PLXNA4: variants seen among roughly 807,000 people sequenced by gnomAD.
PLXNA4 encodes plexin-A4.
A neutral mutation model predicts 191.8 loss-of-function variants in PLXNA4; 44 were observed. The ratio of observed to expected loss-of-function variants is 0.23; its 90% CI spans 0.18 to 0.29. PLXNA4 has a LOEUF of 0.29. Among genes scored for constraint, PLXNA4 ranks in the 10% least tolerant of loss-of-function variants. The probability of loss-of-function intolerance (pLI) is 1.00; values close to 1 mark genes in which losing one functional copy is unlikely to be tolerated. For missense variants in PLXNA4, 1,800 were observed against 2,488.8 expected (o/e 0.72, Z 5.89); for synonymous variants, 1,082 against 1,009.5 (o/e 1.07, Z -1.36).
chr7:132,363,109 C>T (rs1804013685), intron 3 of PLXNA4, among the ~76,000 whole-genome samples: 1 of 152,168 alleles, frequency 6.6e-6, no homozygotes, highest in African/African-American at 2.4e-5. Flanking sequence ...CTCAGCCTCC[C>T]AAGTAGCTGG....
chr7:132,160,954 C>T (rs1358422576), intron 24 of PLXNA4, among the ~76,000 whole-genome samples: 1 of 152,178 alleles, frequency 6.6e-6, no homozygotes, highest in Non-Finnish European at 1.5e-5. Flanking sequence ...ATCTATAAAA[C>T]CAAACTTTCA....
At chr7:132,563,815 C>T (rs1435037253) in intron 1 of PLXNA4, among the ~76,000 whole-genome samples, 3 of 75,946 alleles carry the variant, frequency 4.0e-5, no homozygotes, top group African/African-American at 9.0e-5. Context: ...TCTCCTCCTC[C>T]TTCTCCTCCT....
intron 1 of PLXNA4, among the ~76,000 whole-genome samples, chr7:132,536,795 G>T (rs116971657): frequency 2.6e-5 from 4 of 152,208 alleles, no homozygotes; most frequent in African/African-American, 9.7e-5. Flanking sequence ...TGCCCTAAAC[G>T]TATGGCTGAC....
chr7:132,295,612 C>T (rs189104674), intron 4 of PLXNA4, among the ~76,000 whole-genome samples: 6 of 152,214 alleles, frequency 3.9e-5, no homozygotes, highest in South Asian at 2.1e-4. Flanking sequence ...TCCGCATGCC[C>T]AACCTGTCAA....
At chr7:132,167,307 G>A (rs185633765) in intron 22 of PLXNA4, among the ~76,000 whole-genome samples, 1 of 152,290 alleles carries the variant, frequency 6.6e-6, no homozygotes, top group East Asian at 1.9e-4. Context: ...ACAGTATCAA[G>A]TTTGAGGCCT....
At position 132,523,533 on chromosome 7, in the gene PLXNA4, G is replaced by C. The variant is rs548340001; in HGVS notation, c.-86-14754C>G. Among the ~76,000 whole-genome samples, 5 of 152,354 alleles carry C rather than the reference G, an allele frequency of 3.3e-5. No individual in the cohort carries two copies. The East Asian group carries it at 9.6e-4, about 29-fold the overall frequency. On this transcript the variant is annotated intron_variant, in intron 1 of 31. Coordinates refer to ENST00000321063, the MANE Select transcript of PLXNA4 (RefSeq NM_020911.2). ...CGGAAGGATGGGTGATGGGGTGGGA[G>C]AGAAGAGAGACAGCAGATGCCGGAG...
At chr7:132,350,031 T>TC (rs1411604937) in intron 3 of PLXNA4, among the ~76,000 whole-genome samples, 2 of 152,146 alleles carry the variant, frequency 1.3e-5, no homozygotes. Flanking sequence ...TGTAAGCTGT[T>TC]CCCCACATTC....
intron 25 of PLXNA4, among the ~76,000 whole-genome samples, chr7:132,154,312 C>T (rs75635983): frequency 0.026 from 3,882 of 152,038 alleles, 78 homozygotes; most frequent in Non-Finnish European, 0.036. Flanking sequence ...GAGCAGGCAC[C>T]GGAGAAGAGC....
intron 4 of PLXNA4, among the ~76,000 whole-genome samples, chr7:132,287,690 A>G (rs959896346): frequency 7.9e-5 from 12 of 152,150 alleles, no homozygotes; most frequent in African/African-American, 2.9e-4. Flanking sequence ...TACACCAGTG[A>G]CCATGTAGAA....
At chr7:132,486,762 G>A (rs933460920) in intron 3 of PLXNA4, among the ~76,000 whole-genome samples, 6 of 152,204 alleles carry the variant, frequency 3.9e-5, no homozygotes, top group Admixed American at 1.3e-4. Context: ...TGGGAATGCC[G>A]GCCGCGGTTT....
At chr7:132,565,824 TG>T (rs1801697633) in intron 1 of PLXNA4, among the ~76,000 whole-genome samples, 1 of 152,198 alleles carries the variant, frequency 6.6e-6, no homozygotes, top group Admixed American at 6.5e-5. Context: ...TTTCCCAGCA[TG>T]GCTGGGAATC....
At chr7:132,642,906 G>C (rs1200051714) in intron 2 of PLXNA4, among the ~76,000 whole-genome samples, 1 of 152,186 alleles carries the variant, frequency 6.6e-6, no homozygotes, top group Non-Finnish European at 1.5e-5. Context: ...AAAACAGTGA[G>C]TATGATACGA....
intron 3 of PLXNA4, among the ~76,000 whole-genome samples, chr7:132,437,510 G>A (rs1406571343): frequency 2.7e-5 from 4 of 150,362 alleles, no homozygotes; most frequent in African/African-American, 9.8e-5. Flanking sequence ...GGTTGTGCAT[G>A]TGACTATGTG....
chr7:132,267,122 C>A (rs904537799), intron 4 of PLXNA4, among the ~76,000 whole-genome samples: 3 of 152,156 alleles, frequency 2.0e-5, no homozygotes, highest in Non-Finnish European at 4.4e-5. Context: ...CATCCAGGAG[C>A]AAATTCCACA....
chr7:132,379,653 G>C (rs370073687), intron 3 of PLXNA4, among the ~76,000 whole-genome samples: 2 of 152,306 alleles, frequency 1.3e-5, no homozygotes, highest in South Asian at 4.1e-4. Context: ...ATAGTGGCAA[G>C]AGCATCATCA....
At chr7:132,301,317 C>T (rs941587296) in intron 3 of PLXNA4, among the ~76,000 whole-genome samples, 4 of 152,092 alleles carry the variant, frequency 2.6e-5, no homozygotes, top group Non-Finnish European at 4.4e-5. Context: ...GACCAGCTGC[C>T]GGCTCTTGGA....
chr7:132,149,159 G>A (rs1795521612), intron 25 of PLXNA4, among the ~76,000 whole-genome samples: 1 of 152,128 alleles, frequency 6.6e-6, no homozygotes, highest in Non-Finnish European at 1.5e-5. Context: ...CCTTGTCAGG[G>A]AGATTGGGTC....
At chr7:132,276,982 T>C (rs1451962439) in intron 4 of PLXNA4, among the ~76,000 whole-genome samples, 1 of 152,184 alleles carries the variant, frequency 6.6e-6, no homozygotes, top group Non-Finnish European at 1.5e-5. Flanking sequence ...ATATAAATAC[T>C]CCTGTCACAT....
At chr7:132,472,642 G>C (rs1369848080) in intron 3 of PLXNA4, among the ~76,000 whole-genome samples, 1 of 152,184 alleles carries the variant, frequency 6.6e-6, no homozygotes, top group Non-Finnish European at 1.5e-5. Context: ...GACAAATTTA[G>C]CACCGATGAT....
Sources: gnomAD v4.1 joint callset for allele counts (sites outside exome capture counted in the v4.1 genomes callset) on GRCh38, gnomAD v4.1.1 for gene constraint, MANE v1.5 for transcripts, NCBI Gene and HGNC (gene_info 2026-07-23, HGNC 2026-07-21) for gene names.